The following RBM15 variants were observed in gnomAD, a reference collection of about 807,000 sequenced individuals.
The protein encoded by RBM15 is RNA binding motif protein 15.
In RBM15, 8 loss-of-function variants were observed where a neutral mutation model predicts 62.6. The ratio of observed to expected loss-of-function variants is 0.13; its 90% CI spans 0.07 to 0.23. The LOEUF (loss-of-function observed/expected upper bound fraction) is 0.23. Among genes scored for constraint, RBM15 ranks in the 10% least tolerant of loss-of-function variants. RBM15 has a pLI of 1.00. For synonymous variants in RBM15, 606 were observed against 505.7 expected, an observed-to-expected ratio of 1.20 and a Z score of -2.66; for missense variants, 1,144 against 1,286.5, an observed-to-expected ratio of 0.89 and a Z score of 1.69.
chr1:110,343,916 A>G (rs4839342), intron 1 of RBM15, among the ~76,000 whole-genome samples: 63,201 of 152,034 alleles, frequency 0.42, 13,411 homozygotes, highest in Non-Finnish European at 0.47. Context: ...ATGTCAGCAC[A>G]AAAGTGTCAT....
chr1:110,345,504 A>C, intron 1 of RBM15, 35 bp from the exon 2 acceptor site: 1 of 1,480,422 alleles, frequency 6.8e-7, no homozygotes, highest in Non-Finnish European at 9.4e-7. Flanking sequence ...TTTGGAGAGA[A>C]TTTCTGGACA....
chr1:110,342,931 CTG>C (rs1223353846), intron 1 of RBM15, among the ~76,000 whole-genome samples: 4 of 152,134 alleles, frequency 2.6e-5, no homozygotes, highest in East Asian at 1.9e-4. Flanking sequence ...GTAGCAGTAA[CTG>C]TTCAGTAAAA....
chr1:110,345,513 CA>C, intron 1 of RBM15, 25 bp from the exon 2 acceptor site: 2 of 1,488,850 alleles, frequency 1.3e-6, no homozygotes, highest in East Asian at 4.5e-5. Context: ...AATTTCTGGA[CA>C]TTTTTTTTTC....
chr1:110,342,989 G>A (rs964885494), intron 1 of RBM15, among the ~76,000 whole-genome samples: 2 of 152,198 alleles, frequency 1.3e-5, no homozygotes, highest in African/African-American at 4.8e-5. Context: ...GCTTACACTA[G>A]TATGCAAGAA....
intron 1 of RBM15, among the ~76,000 whole-genome samples, chr1:110,344,813 C>T (rs1660867864): frequency 1.3e-5 from 2 of 152,044 alleles, no homozygotes; most frequent in Non-Finnish European, 2.9e-5. Context: ...TTCTATCTTT[C>T]TTCTTTAATT....
rs1460367754 is a variant in RBM15 at position 110,339,779 on chromosome 1, G to A, written c.374G>A (p.Ser125Asn). 1.0e-5 allele frequency: 16 copies of A among 1,606,766 alleles called. No individual in the cohort carries two copies. Among genetic ancestry groups the A allele is most frequent in the Non-Finnish European group, 1.4e-5 (16 of 1,174,776 alleles). ...GGCAGCTCCAGTAGCCGCTTGCATA[G>A]TTATAGCTCCCCGAGCACCAAAAAT... ...GGGSSSSRLH[S>N]YSSPSTKNSS... is the part of the protein sequence containing the mutation. Residue 125 changes from serine (S) to asparagine (N), a missense_variant, in exon 1 of 3, where the codon AGT (serine) becomes AAT (asparagine). Coordinates refer to ENST00000369784, the MANE Select transcript of RBM15 (RefSeq NM_022768.5).
rs560242583 is a variant in RBM15, at chr1:110,339,669, C to T, written c.264C>T (p.Thr88=). ...GGSNGSSSGK[T]DSGGGSRRSL... is the part of the protein sequence containing the mutation. ...GCAATGGGAGCAGCAGCGGAAAGAC[C>T]GATAGCGGCGGTGGGTCGCGGCGGA... Residue 88 remains threonine (T), a synonymous_variant, in exon 1 of 3, where the codon ACC becomes ACT. Coordinates refer to ENST00000369784, the MANE Select transcript of RBM15 (RefSeq NM_022768.5). The T allele has an allele frequency of 1.4e-4, 224 of 1,613,086 alleles. 1 individual carries two copies. The highest frequency in any genetic ancestry group is 7.5e-4 in the Admixed American group (45 of 60,018).
At position 110,340,030 on chromosome 1, in the gene RBM15, G is replaced by A; in HGVS notation, c.625G>A (p.Gly209Ser). The A allele has an allele frequency of 1.2e-6, 2 of 1,614,104 alleles. No individual in the cohort carries two copies. Among genetic ancestry groups the A allele is most frequent in the Non-Finnish European group, 1.7e-6 (2 of 1,180,004 alleles). The change falls in exon 1 of 3, where the codon GGT (glycine) becomes AGT (serine). Residue 209 changes from glycine to serine, a missense_variant. By Grantham distance (56) the Gly-to-Ser change is moderately conservative. Around this residue, in one of 8 missense-constraint regions of RBM15, gnomAD observed 188 missense variants for 185.6 expected, o/e 1.01. Transcript: ENST00000369784. This position sits in a 1 kb window ranked among gnomAD's most constrained non-coding sequence, Gnocchi z 5.8. ...DVSVKISHLS[G>S]SGSGDERVAF... ...AAGTGTGAAAATCAGTCATCTGTCGGGTTCTGGCAGCGGGGATGAGCGGGT... is the reference window on the plus strand; with the variant it reads ...AAGTGTGAAAATCAGTCATCTGTCGAGTTCTGGCAGCGGGGATGAGCGGGT...
intron 1 of RBM15, among the ~76,000 whole-genome samples, chr1:110,343,231 G>A (rs1050737025): frequency 6.6e-6 from 1 of 151,992 alleles, no homozygotes; most frequent in African/African-American, 2.4e-5. Flanking sequence ...TATTTCAGTG[G>A]GCATTTAAAT....
At position 110,340,258 on chromosome 1, in the gene RBM15, G is replaced by A. The variant is rs1392308013; in HGVS notation, c.853G>A (p.Gly285Arg). 2.5e-6 allele frequency: 4 copies of A among 1,614,234 alleles called. No individual in the cohort carries two copies. Among genetic ancestry groups the A allele is most frequent in the Non-Finnish European group, 3.4e-6 (4 of 1,180,040 alleles). The change falls in exon 1 of 3, where the codon GGA becomes AGA. Residue 285 changes from glycine (G) to arginine (R), a missense_variant. By Grantham distance (125) the Gly-to-Arg change is moderately radical. Transcript: ENST00000369784. This position sits in a 1 kb window ranked among gnomAD's most constrained non-coding sequence, Gnocchi z 5.8. ...TGTAGGTGGTCACCGGCACCCCCCTGGAGGTGGTGGAGGCCAGAGATCACT... is the reference window on the plus strand; with the variant it reads ...TGTAGGTGGTCACCGGCACCCCCCTAGAGGTGGTGGAGGCCAGAGATCACT... ...ASVGGHRHPP[G>R]GGGGQRSLSP...
At position 110,341,316 on chromosome 1, in the gene RBM15, C is replaced by T. The variant is rs142312919; in HGVS notation, c.1911C>T (p.Asp637=). Residue 637 remains aspartate (D), a synonymous_variant, in exon 1 of 3, where the codon GAC becomes GAT. Coordinates refer to ENST00000369784, the MANE Select transcript of RBM15 (RefSeq NM_022768.5). The surrounding 1 kb of genome is among the most constrained non-coding windows in gnomAD (Gnocchi z 4.5). ...RGDRDLPSSR[D]QPRKRRLPEE... is the part of the protein sequence containing the mutation. ...ATCGAGATCTGCCCAGCAGCAGAGA[C>T]CAGCCTAGGAAGCGAAGGCTGCCTG... is the stretch of plus-strand genomic sequence containing the variant. 312 of 1,614,068 alleles carry T rather than the reference C, an allele frequency of 1.9e-4. No individual in the cohort carries two copies. The highest frequency in any genetic ancestry group is 2.4e-4 in the Non-Finnish European group (278 of 1,180,004).
Position 110,341,130 on chromosome 1 carries a change from T to G in RBM15, c.1725T>G (p.Asp575Glu). The change falls in exon 1 of 3, where the codon GAT becomes GAG. Residue 575 changes from aspartate to glutamate, a missense_variant. This residue lies in a region of RBM15 where 360 missense variants were observed against 342.9 expected (regional missense o/e 1.05). Coordinates refer to ENST00000369784, the MANE Select transcript of RBM15 (RefSeq NM_022768.5). This position sits in a 1 kb window ranked among gnomAD's most constrained non-coding sequence, Gnocchi z 4.5. ...RDRTPPLLYR[D>E]RDRDLYPDSD... ...GGACACCACCCTTACTATACAGAGA[T>G]CGTGATAGGGACCTTTATCCTGACT... is the stretch of plus-strand genomic sequence containing the variant. 6.2e-7 allele frequency: 1 copy of G among 1,614,020 alleles called. No homozygotes were observed. The highest frequency in any genetic ancestry group is 2.2e-5 in the East Asian group (1 of 44,858).
Position 110,341,964 on chromosome 1 carries a change from G to T in RBM15, c.2559G>T (p.Gly853=), listed in dbSNP as rs780875157. ...TAACTCGACGCATCAAAGTAGCAGGGCCCAATGGTTATGCCATTCTTTTGG... is the reference window on the plus strand; with the variant it reads ...TAACTCGACGCATCAAAGTAGCAGGTCCCAATGGTTATGCCATTCTTTTGG... The part of the protein sequence containing the change: ...DEVTRRIKVA[G]PNGYAILLAV... The change falls in exon 1 of 3, where the codon GGG becomes GGT. Residue 853 remains glycine, a synonymous_variant. Transcript: ENST00000369784. This position sits in a 1 kb window ranked among gnomAD's most constrained non-coding sequence, Gnocchi z 4.5. The T allele has an allele frequency of 1.1e-5, 18 of 1,614,126 alleles. No individual in the cohort carries two copies. The highest frequency in any genetic ancestry group is 1.7e-6 in the Non-Finnish European group (2 of 1,180,054).
At position 110,342,129 on chromosome 1, in the gene RBM15, G is replaced by A. The variant is rs767111502; in HGVS notation, c.2724G>A (p.Val908=). ...KQAAGVISLP[V]GGNKDKENTG... ...CAGCCGGGGTGATCAGCCTCCCTGT[G>A]GGGGGCAACAAAGACAAGGAAAACA... The change falls in exon 1 of 3, where the codon GTG becomes GTA. Residue 908 remains valine (V), a synonymous_variant. Transcript: ENST00000369784. 1 of 1,614,028 alleles carries A rather than the reference G, an allele frequency of 6.2e-7. No individual in the cohort carries two copies. Among genetic ancestry groups the A allele is most frequent in the Non-Finnish European group, 8.5e-7 (1 of 1,179,936 alleles).
At chr1:110,342,560 C>CT in intron 1 of RBM15, 1 of 364,766 alleles carries the variant, frequency 2.7e-6, no homozygotes, top group Non-Finnish European at 4.8e-6. Context: ...TTTTTTTTCT[C>CT]TATTCAGTTG....
In RBM15 at chr1:110,342,285, A is replaced by T. The variant is rs368503888; in HGVS notation, c.2863+17A>T. On this transcript the variant is annotated intron_variant, in intron 1 of 2. Transcript: ENST00000369784. Reference sequence around the variant, plus strand: ...TTGTCCGTGGTGCGTCCTAAAGTCCATGTGTAACTTGTATTTACTACTTTG... The same window carrying T: ...TTGTCCGTGGTGCGTCCTAAAGTCCTTGTGTAACTTGTATTTACTACTTTG... 92 of 1,534,198 alleles carry T rather than the reference A, an allele frequency of 6.0e-5. No homozygotes were observed. The highest frequency in any genetic ancestry group is 2.3e-4 in the Admixed American group (11 of 48,576).
Position 110,340,092 on chromosome 1 carries a change from G to A in RBM15, c.687G>A (p.Arg229=). The change falls in exon 1 of 3, where the codon CGG becomes CGA. Residue 229 remains arginine (R), a synonymous_variant. Coordinates refer to ENST00000369784, the MANE Select transcript of RBM15 (RefSeq NM_022768.5). This position sits in a 1 kb window ranked among gnomAD's most constrained non-coding sequence, Gnocchi z 5.8. ...FVNFRRPEDA[R]AAKHARGRLV... is the part of the protein sequence containing the mutation. Reference sequence around the variant, plus strand: ...ACTTCCGGCGGCCAGAGGACGCGCGGGCGGCCAAGCATGCCAGAGGCCGCC... The same window carrying A: ...ACTTCCGGCGGCCAGAGGACGCGCGAGCGGCCAAGCATGCCAGAGGCCGCC... 1 of 1,613,904 alleles carries A rather than the reference G, an allele frequency of 6.2e-7. No homozygotes were observed. Among genetic ancestry groups the A allele is most frequent in the Non-Finnish European group, 8.5e-7 (1 of 1,180,004 alleles).
chr1:110,340,771 C>T lies in RBM15; in HGVS notation c.1366C>T (p.Arg456Cys), dbSNP rs770183655. The change falls in exon 1 of 3, where the codon CGC (arginine) becomes TGC (cysteine). Residue 456 changes from arginine (R) to cysteine (C), a missense_variant. By Grantham distance (180) the Arg-to-Cys change is radical. This residue lies in a region of RBM15 where 105 missense variants were observed against 193.6 expected (regional missense o/e 0.54). Transcript: ENST00000369784. This position sits in a 1 kb window ranked among gnomAD's most constrained non-coding sequence, Gnocchi z 5.8. ...IGYGKATPTT[R>C]LWVGGLGPWV... ...TTATGGTAAAGCTACACCCACCACC[C>T]GCCTCTGGGTGGGAGGCCTGGGACC... The T allele has an allele frequency of 5.6e-6, 9 of 1,614,160 alleles. No homozygotes were observed. The highest frequency in any genetic ancestry group is 2.2e-5 in the East Asian group (1 of 44,886).
chr1:110,342,129 G>T lies in RBM15; in HGVS notation c.2724G>T (p.Val908=), dbSNP rs767111502. ...KQAAGVISLP[V]GGNKDKENTG... ...CAGCCGGGGTGATCAGCCTCCCTGT[G>T]GGGGGCAACAAAGACAAGGAAAACA... Residue 908 remains valine, a synonymous_variant, in exon 1 of 3, where the codon GTG becomes GTT. Transcript: ENST00000369784. The T allele has an allele frequency of 1.9e-6, 3 of 1,614,028 alleles. No homozygotes were observed. Among genetic ancestry groups the T allele is most frequent in the East Asian group, 2.2e-5 (1 of 44,874 alleles).
Sources: allele counts gnomAD v4.1 joint callset (sites outside exome capture counted in the v4.1 genomes callset), GRCh38; gene constraint gnomAD v4.1.1; regional missense constraint gnomAD v4.1.1; non-coding constraint Gnocchi (gnomAD v3.1); transcripts MANE v1.5; gene names NCBI Gene and HGNC (gene_info 2026-07-23, HGNC 2026-07-21).